The following IQCJ variants were observed in gnomAD, a reference collection of about 807,000 sequenced individuals.
IQCJ encodes IQ motif containing J, also known as IQ domain-containing protein J.
In IQCJ, 9 loss-of-function variants were observed where a neutral mutation model predicts 11.0. That is an observed-to-expected ratio of 0.82 (90% CI 0.49 to 1.43). The LOEUF is 1.43. Ranked by LOEUF, IQCJ falls within the 40% of genes most tolerant of loss-of-function variation. The pLI, the probability that IQCJ is intolerant of heterozygous loss-of-function variation, is 0.00. For missense variants in IQCJ, 146 were observed against 133.2 expected, an observed-to-expected ratio of 1.10 and a Z score of -0.47; for synonymous variants, 55 against 51.3, an observed-to-expected ratio of 1.07 and a Z score of -0.31.
chr3:159,199,471 G>A (rs778023223), intron 1 of IQCJ, among the ~76,000 whole-genome samples: 6 of 152,162 alleles, frequency 3.9e-5, no homozygotes, highest in Non-Finnish European at 8.8e-5. Context: ...TGCCCAGTGA[G>A]ACCCATTTTA....
intron 1 of IQCJ, among the ~76,000 whole-genome samples, chr3:159,158,968 T>C (rs1426147264): frequency 6.6e-6 from 1 of 152,094 alleles, no homozygotes; most frequent in African/African-American, 2.4e-5. Flanking sequence ...GGAGGCCCAG[T>C]AGGCCACACA....
At chr3:159,213,901 C>T (rs1375096684) in intron 1 of IQCJ, among the ~76,000 whole-genome samples, 2 of 152,170 alleles carry the variant, frequency 1.3e-5, no homozygotes, top group Non-Finnish European at 2.9e-5. Context: ...ATTTTCTCCT[C>T]CTACTTAACT....
intron 1 of IQCJ, among the ~76,000 whole-genome samples, chr3:159,149,309 A>G (rs748942461): frequency 6.6e-6 from 1 of 152,166 alleles, no homozygotes; most frequent in African/African-American, 2.4e-5. Context: ...GGTTTTTTCT[A>G]TTTCCATATA....
intron 1 of IQCJ, among the ~76,000 whole-genome samples, chr3:159,104,162 C>T (rs533297267): frequency 1.1e-4 from 17 of 152,312 alleles, no homozygotes; most frequent in Non-Finnish European, 1.5e-4. Context: ...ATATTCTTTC[C>T]TAGGACTGCT....
chr3:159,240,115 G>A (rs1377805718), intron 1 of IQCJ, among the ~76,000 whole-genome samples: 1 of 152,128 alleles, frequency 6.6e-6, no homozygotes, highest in African/African-American at 2.4e-5. Context: ...GGGGATAAAT[G>A]TGGAGGCTTA....
Position 159,168,720 on chromosome 3 carries a change from A to G in IQCJ, c.10-77123A>G, listed in dbSNP as rs114813509. Among the ~76,000 whole-genome samples the G allele has an allele frequency of 6.0e-3, 910 of 152,288 alleles. 11 individuals carry two copies. Among genetic ancestry groups the G allele is most frequent in the African/African-American group, 0.021 (869 of 41,548 alleles). On this transcript the variant is annotated intron_variant, in intron 1 of 3. Transcript: ENST00000397832. ...TCTAACAGTGATGATGAGTACTAGT[A>G]TAGCTAATAGTTGATTTATCTTCAT...
intron 1 of IQCJ, among the ~76,000 whole-genome samples, chr3:159,102,078 T>C (rs548336427): frequency 6.6e-6 from 1 of 152,350 alleles, no homozygotes; most frequent in South Asian, 2.1e-4. Flanking sequence ...AATGTCATAC[T>C]AGTAGCCAGT....
intron 1 of IQCJ, among the ~76,000 whole-genome samples, chr3:159,077,972 G>A (rs1018003480): frequency 2.0e-5 from 3 of 151,892 alleles, no homozygotes; most frequent in Non-Finnish European, 2.9e-5. Context: ...AAAACAGGAC[G>A]TGTATCAACT....
chr3:159,128,978 CTGTT>C (rs1218837178), intron 1 of IQCJ, among the ~76,000 whole-genome samples: 1 of 152,088 alleles, frequency 6.6e-6, no homozygotes, highest in Non-Finnish European at 1.5e-5. Flanking sequence ...ATCCCTATCT[CTGTT>C]TGCTAAAATC....
At chr3:159,137,682 T>C (rs987816663) in intron 1 of IQCJ, among the ~76,000 whole-genome samples, 3 of 152,226 alleles carry the variant, frequency 2.0e-5, no homozygotes, top group African/African-American at 7.2e-5. Context: ...TCTCTTTGGA[T>C]TGCACCATGA....
chr3:159,228,836 A>C (rs1293448261), intron 1 of IQCJ, among the ~76,000 whole-genome samples: 1 of 152,224 alleles, frequency 6.6e-6, no homozygotes, highest in Non-Finnish European at 1.5e-5. Flanking sequence ...TGTTTACATA[A>C]ACCTAATATT....
At position 159,157,942 on chromosome 3, in the gene IQCJ, A is replaced by G. The variant is rs1721625775; in HGVS notation, c.10-87901A>G. Among the ~76,000 whole-genome samples, 3 of 152,228 alleles carry G rather than the reference A, an allele frequency of 2.0e-5. No individual in the cohort carries two copies. In the South Asian group the frequency reaches 6.2e-4, roughly 32 times the overall value. On this transcript the variant is annotated intron_variant, in intron 1 of 3. Coordinates refer to ENST00000397832, the MANE Select transcript of IQCJ (RefSeq NM_001042706.3). ...GGTTGGGCAGCAGTTTATTTAACCA[A>G]TTCCCTACTGAGAGACATTTGGGCT...
intron 1 of IQCJ, among the ~76,000 whole-genome samples, chr3:159,122,982 G>A (rs1719465681): frequency 6.6e-6 from 1 of 152,166 alleles, no homozygotes; most frequent in Non-Finnish European, 1.5e-5. Context: ...TGAACTTTCA[G>A]AGGGAAGCAG....
At chr3:159,215,091 A>T (rs1407594894) in intron 1 of IQCJ, among the ~76,000 whole-genome samples, 3 of 152,218 alleles carry the variant, frequency 2.0e-5, no homozygotes, top group African/African-American at 7.2e-5. Flanking sequence ...TGTAAATTTT[A>T]CACTACTTGG....
At chr3:159,153,633 A>T (rs564933918) in intron 1 of IQCJ, among the ~76,000 whole-genome samples, 16 of 152,348 alleles carry the variant, frequency 1.1e-4, no homozygotes, top group Non-Finnish European at 2.4e-4. Flanking sequence ...AATAAATGTG[A>T]AAGGCCAACT....
At chr3:159,122,708 C>T (rs1282868479) in intron 1 of IQCJ, among the ~76,000 whole-genome samples, 1 of 151,922 alleles carries the variant, frequency 6.6e-6, no homozygotes, top group African/African-American at 2.4e-5. Context: ...AGAGAAAAAT[C>T]CAGATTTTTT....
At chr3:159,101,797 A>G (rs1183390418) in intron 1 of IQCJ, among the ~76,000 whole-genome samples, 1 of 152,210 alleles carries the variant, frequency 6.6e-6, no homozygotes, top group East Asian at 1.9e-4. Context: ...CCCTTAGTTC[A>G]TGCTCAGTTA....
At chr3:159,111,680 T>A (rs193129896) in intron 1 of IQCJ, among the ~76,000 whole-genome samples, 1 of 152,324 alleles carries the variant, frequency 6.6e-6, no homozygotes, top group East Asian at 1.9e-4. Flanking sequence ...TGCATCTGCT[T>A]GACCCCAAAG....
rs1728331107 is a variant in IQCJ, at chr3:159,263,445, A to G, written c.*714A>G. ...ATAAGGGAATCTGCTGGAAGTCTTT[A>G]TTTTTAAAAAACACCAAAAGTGGGA... is the stretch of plus-strand genomic sequence containing the variant. On this transcript the variant is annotated 3_prime_UTR_variant, in exon 4 of 4. Transcript: ENST00000397832. 2 of 984,516 alleles carry G rather than the reference A, an allele frequency of 2.0e-6. No individual in the cohort carries two copies. The highest frequency in any genetic ancestry group is 2.4e-6 in the Non-Finnish European group (2 of 829,232). The allele number at this position is 984,516 out of a possible 1,614,324, so 61.0% of individuals were successfully genotyped here.
Sources: allele counts gnomAD v4.1 joint callset (sites outside exome capture counted in the v4.1 genomes callset), GRCh38; gene constraint gnomAD v4.1.1; transcripts MANE v1.5; gene names NCBI Gene and HGNC (gene_info 2026-07-23, HGNC 2026-07-21).